Variants in CDH13 observed in about 807,000 individuals in gnomAD.
The protein encoded by CDH13 is cadherin-13.
In CDH13, 24 loss-of-function variants were observed where a neutral mutation model predicts 63.8. The observed-to-expected ratio is 0.38, with a 90% CI of 0.27 to 0.53. The LOEUF (loss-of-function observed/expected upper bound fraction) is 0.53. Ranked by LOEUF, CDH13 falls within the 20% of genes least tolerant of loss-of-function variation. The pLI, the probability that CDH13 is intolerant of heterozygous loss-of-function variation, is 0.85. For missense variants in CDH13, 1,049 were observed against 903.1 expected, an observed-to-expected ratio of 1.16 and a Z score of -2.07; for synonymous variants, 503 against 355.3, an observed-to-expected ratio of 1.42 and a Z score of -4.67.
intron 4 of CDH13, among the ~76,000 whole-genome samples, chr16:83,185,522 T>A (rs1358243511): frequency 6.6e-6 from 1 of 152,232 alleles, no homozygotes; most frequent in African/African-American, 2.4e-5. Flanking sequence ...CTGAGAATTT[T>A]AAATTGTGCA....
intron 1 of CDH13, among the ~76,000 whole-genome samples, chr16:82,779,897 T>G (rs1424675229): frequency 6.6e-6 from 1 of 152,138 alleles, no homozygotes; most frequent in Non-Finnish European, 1.5e-5. Context: ...CCCCTGAGAA[T>G]CGATCAGTCC....
intron 5 of CDH13, among the ~76,000 whole-genome samples, chr16:83,276,807 C>G (rs189102557): frequency 6.6e-6 from 1 of 152,202 alleles, no homozygotes; most frequent in East Asian, 1.9e-4. Context: ...GGAGGTGGAG[C>G]CTACAGGAGC....
chr16:83,176,982 T>A (rs2038154318), intron 4 of CDH13, among the ~76,000 whole-genome samples: 1 of 152,156 alleles, frequency 6.6e-6, no homozygotes, highest in South Asian at 2.1e-4. Context: ...CCGGATGCCA[T>A]GATGAGGCAC....
chr16:82,862,181 A>G (rs1380896115), intron 2 of CDH13, among the ~76,000 whole-genome samples: 1 of 152,150 alleles, frequency 6.6e-6, no homozygotes, highest in Non-Finnish European at 1.5e-5. Flanking sequence ...CAATTGTGTG[A>G]TCTGGGAGCT....
chr16:83,006,899 ATTTTTTTTGTT>A (rs1567737506), intron 2 of CDH13, among the ~76,000 whole-genome samples: 9 of 120,736 alleles, frequency 7.5e-5, no homozygotes, highest in Admixed American at 1.6e-4. Flanking sequence ...CCCAGTTTTG[ATTTTTTTTGTT>A]TGTTTGTTTG....
intron 7 of CDH13, among the ~76,000 whole-genome samples, chr16:83,506,749 A>G (rs942354699): frequency 3.3e-5 from 5 of 152,348 alleles, no homozygotes; most frequent in Middle Eastern, 3.4e-3. Context: ...AGGCAAAGCC[A>G]AATGCCGTGT....
In CDH13 at chr16:82,904,460, C is replaced by A. The variant is rs569417345; in HGVS notation, c.157+45987C>A. ...TCGTTGGTTCACCTTGCTCTGAATCCTTTGTCTTCTCACCCTTTGTGGCAA... is the reference window on the plus strand; with the variant it reads ...TCGTTGGTTCACCTTGCTCTGAATCATTTGTCTTCTCACCCTTTGTGGCAA... On this transcript the variant is annotated intron_variant, in intron 2 of 13. Transcript: ENST00000567109. Among the ~76,000 whole-genome samples the A allele has an allele frequency of 2.0e-5, 3 of 152,272 alleles. No individual in the cohort carries two copies. In the South Asian group the frequency reaches 6.2e-4, roughly 32 times the overall value.
At chr16:83,652,242 A>T (rs1184181775) in intron 8 of CDH13, among the ~76,000 whole-genome samples, 1 of 152,230 alleles carries the variant, frequency 6.6e-6, no homozygotes. Context: ...TTTAAATGCA[A>T]ATTAGAAGCT....
chr16:82,696,630 G>T (rs965494924), intron 1 of CDH13, among the ~76,000 whole-genome samples: 1 of 152,188 alleles, frequency 6.6e-6, no homozygotes, highest in Non-Finnish European at 1.5e-5. Context: ...GGCCCTACAT[G>T]ACTCTTATCA....
At position 83,780,028 on chromosome 16, in the gene CDH13, A is replaced by G. The variant is rs756724897; in HGVS notation, c.1742A>G (p.Asn581Ser). 6.2e-7 allele frequency: 1 copy of G among 1,614,000 alleles called. No homozygotes were observed. The highest frequency in any genetic ancestry group is 1.1e-5 in the South Asian group (1 of 91,078). The change falls in exon 12 of 14, where the codon AAT becomes AGT. Residue 581 changes from asparagine to serine, a missense_variant. Transcript: ENST00000567109. ...ATAACCCTGGAGGACGTGAATGACA[A>G]TGCCCCGTTCATTTACCCCACAGTA... is the stretch of plus-strand genomic sequence containing the variant. ...LLITLEDVND[N>S]APFIYPTVAE... is the part of the protein sequence containing the mutation.
chr16:83,697,971 C>T (rs1007018561), intron 10 of CDH13, among the ~76,000 whole-genome samples: 1 of 152,184 alleles, frequency 6.6e-6, no homozygotes, highest in Non-Finnish European at 1.5e-5. Flanking sequence ...TAGGACATAG[C>T]TATGGTGAGT....
intron 6 of CDH13, among the ~76,000 whole-genome samples, chr16:83,375,821 G>A (rs2091449757): frequency 6.6e-6 from 1 of 152,180 alleles, no homozygotes; most frequent in African/African-American, 2.4e-5. Flanking sequence ...CTTGATCTGG[G>A]AATACAGGTA....
intron 5 of CDH13, among the ~76,000 whole-genome samples, chr16:83,311,843 G>A (rs972468240): frequency 1.3e-5 from 2 of 152,158 alleles, no homozygotes; most frequent in Admixed American, 6.5e-5. Flanking sequence ...GGGAGGCCAA[G>A]GCGGGTGGAT....
chr16:83,602,525 A>T lies in CDH13; in HGVS notation c.1032A>T (p.Thr344=). ...QDMAGLDVGL[T]GTATATIMID... The stretch of plus-strand genomic sequence containing the variant: ...TGGCTGGACTGGATGTTGGATTAAC[A>T]GGCACGGCCACAGCCACGATCATGA... The change falls in exon 8 of 14, where the codon ACA becomes ACT. Residue 344 remains threonine, a synonymous_variant. Coordinates refer to ENST00000567109, the MANE Select transcript of CDH13 (RefSeq NM_001257.5). 6.2e-7 allele frequency: 1 copy of T among 1,613,972 alleles called. No individual in the cohort carries two copies. Among genetic ancestry groups the T allele is most frequent in the Non-Finnish European group, 8.5e-7 (1 of 1,179,846 alleles).
At chr16:83,417,058 C>G (rs1428564551) in intron 6 of CDH13, among the ~76,000 whole-genome samples, 1 of 152,164 alleles carries the variant, frequency 6.6e-6, no homozygotes, top group Non-Finnish European at 1.5e-5. Flanking sequence ...GATTATTTCA[C>G]TTATCATGGG....
chr16:82,703,120 C>A (rs906298284), intron 1 of CDH13, among the ~76,000 whole-genome samples: 3 of 151,878 alleles, frequency 2.0e-5, no homozygotes, highest in African/African-American at 7.3e-5. Flanking sequence ...CTTATATAAA[C>A]CACTTATATA....
At chr16:83,280,808 G>C (rs1338709200) in intron 5 of CDH13, among the ~76,000 whole-genome samples, 1 of 152,152 alleles carries the variant, frequency 6.6e-6, no homozygotes, top group Non-Finnish European at 1.5e-5. Flanking sequence ...CATTACTCTT[G>C]GACATTTCCG....
chr16:83,536,776 TG>T (rs2075200184), intron 7 of CDH13, among the ~76,000 whole-genome samples: 1 of 151,962 alleles, frequency 6.6e-6, no homozygotes, highest in African/African-American at 2.4e-5. Flanking sequence ...GTGGTAGAGA[TG>T]GGGAGAAGGT....
At chr16:82,825,075 G>A (rs1015620158) in intron 1 of CDH13, 1 of 152,116 alleles carries the variant, frequency 6.6e-6, no homozygotes. Flanking sequence ...TTAATATTGA[G>A]GTTGAGCGAT....
Sources: allele counts gnomAD v4.1 joint callset (sites outside exome capture counted in the v4.1 genomes callset), GRCh38; gene constraint gnomAD v4.1.1; transcripts MANE v1.5; gene names NCBI Gene and HGNC (gene_info 2026-07-23, HGNC 2026-07-21).